Variants in RBFOX1 observed in about 807,000 individuals in gnomAD.
RBFOX1 encodes the protein RNA binding fox-1 homolog 1, also known as RNA binding protein fox-1 homolog 1.
A neutral mutation model predicts 57.7 loss-of-function variants in RBFOX1; 8 were observed. The observed-to-expected ratio is 0.14, with a 90% CI of 0.08 to 0.25. The LOEUF (loss-of-function observed/expected upper bound fraction) is 0.25, where lower values mean the gene tolerates loss of function less well. RBFOX1 is among the 10% of genes least tolerant of loss of function. The pLI, the probability that RBFOX1 is intolerant of heterozygous loss-of-function variation, is 1.00. For synonymous variants in RBFOX1, 326 were observed against 222.4 expected (o/e 1.47, Z -4.15); for missense variants, 611 against 548.5 (o/e 1.11, Z -1.14).
intron 4 of RBFOX1, among the ~76,000 whole-genome samples, chr16:7,427,578 C>T (rs1290064572): frequency 6.6e-6 from 1 of 152,072 alleles, no homozygotes; most frequent in Non-Finnish European, 1.5e-5. Context: ...CTTCCCTTGC[C>T]CAAGCTAATT....
At chr16:6,862,982 C>CT (rs1567611220) in intron 3 of RBFOX1, among the ~76,000 whole-genome samples, 2 of 141,160 alleles carry the variant, frequency 1.4e-5, no homozygotes, top group Admixed American at 7.1e-5. Flanking sequence ...GAGACTCTGT[C>CT]TAAAAAAAAA....
chr16:7,527,610 C>A (rs189893562), intron 5 of RBFOX1, among the ~76,000 whole-genome samples: 1 of 152,106 alleles, frequency 6.6e-6, no homozygotes, highest in Non-Finnish European at 1.5e-5. Flanking sequence ...CATTTTCATT[C>A]CCATTCTGTC....
At chr16:6,837,299 C>T (rs534392187) in intron 3 of RBFOX1, among the ~76,000 whole-genome samples, 1 of 152,306 alleles carries the variant, frequency 6.6e-6, no homozygotes, top group East Asian at 1.9e-4. Flanking sequence ...GGCTCAAGAC[C>T]CAGGCTGCTT....
At chr16:7,170,753 T>G (rs1236729112) in intron 4 of RBFOX1, among the ~76,000 whole-genome samples, 2 of 152,206 alleles carry the variant, frequency 1.3e-5, no homozygotes, top group East Asian at 1.9e-4. Flanking sequence ...TGAATGAATG[T>G]CTTCATGAGC....
chr16:7,181,507 T>TTCCC (rs1241044730), intron 4 of RBFOX1, among the ~76,000 whole-genome samples: 1 of 151,848 alleles, frequency 6.6e-6, no homozygotes, highest in Non-Finnish European at 1.5e-5. Flanking sequence ...TCCTTCCTTC[T>TTCCC]TCCCTCCCTC....
chr16:5,529,324 T>C (rs2044367376), intron 2 of RBFOX1, among the ~76,000 whole-genome samples: 1 of 151,978 alleles, frequency 6.6e-6, no homozygotes, highest in Non-Finnish European at 1.5e-5. Flanking sequence ...TGGATTGTTC[T>C]GGTATAATTA....
rs1179265375 is a variant in RBFOX1 at position 5,729,550 on chromosome 16, A to G, written c.318+130589A>G. Among the ~76,000 whole-genome samples the G allele has an allele frequency of 2.0e-5, 3 of 152,000 alleles. No individual in the cohort carries two copies. The East Asian group carries it at 5.8e-4, about 29-fold the overall frequency. Reference sequence around the variant, plus strand: ...GCATGTGGGAACTAAGACCTGCTATATTTTACAAGAAGCTATGTTAATTAT... The same window carrying G: ...GCATGTGGGAACTAAGACCTGCTATGTTTTACAAGAAGCTATGTTAATTAT... On this transcript the variant is annotated intron_variant, in intron 3 of 19. Transcript: ENST00000641259.
chr16:7,558,093 G>A (rs959310464), intron 5 of RBFOX1, among the ~76,000 whole-genome samples: 13 of 152,088 alleles, frequency 8.5e-5, no homozygotes, highest in South Asian at 4.2e-4. Flanking sequence ...GGTAGCTCAC[G>A]CCTGTAATTC....
At chr16:6,612,863 A>AAT (rs1555612744) in intron 2 of RBFOX1, among the ~76,000 whole-genome samples, 3,355 of 132,196 alleles carry the variant, frequency 0.025, 139 homozygotes, top group East Asian at 0.2. Context: ...AAAAAAAAAA[A>AAT]AATAATAATA....
At chr16:5,914,863 C>T (rs960320243) in intron 4 of RBFOX1, among the ~76,000 whole-genome samples, 1 of 152,002 alleles carries the variant, frequency 6.6e-6, no homozygotes, top group Admixed American at 6.5e-5. Context: ...CCACTGCACT[C>T]CAGCCTAGGC....
At chr16:5,458,995 C>T (rs2068712805) in intron 1 of RBFOX1, among the ~76,000 whole-genome samples, 1 of 152,202 alleles carries the variant, frequency 6.6e-6, no homozygotes, top group South Asian at 2.1e-4. Flanking sequence ...CTCTGTACCA[C>T]TCTTGGCCCA....
At chr16:6,833,847 G>GGT (rs2092893093) in intron 3 of RBFOX1, among the ~76,000 whole-genome samples, 1 of 152,130 alleles carries the variant, frequency 6.6e-6, no homozygotes. Flanking sequence ...GGAAAGGAGT[G>GGT]GTGCAGACTG....
At chr16:5,977,673 A>T (rs1047334967) in intron 4 of RBFOX1, among the ~76,000 whole-genome samples, 3 of 152,050 alleles carry the variant, frequency 2.0e-5, no homozygotes, top group African/African-American at 7.2e-5. Context: ...CTGATTGGAA[A>T]ACAGGCTCAG....
chr16:5,711,893 G>A (rs1040367621), intron 3 of RBFOX1, among the ~76,000 whole-genome samples: 2 of 152,132 alleles, frequency 1.3e-5, no homozygotes, highest in African/African-American at 4.8e-5. Flanking sequence ...GCTTATTTAG[G>A]ACCATTGACC....
At chr16:6,210,927 T>G (rs1292761853) in intron 1 of RBFOX1, among the ~76,000 whole-genome samples, 1 of 152,046 alleles carries the variant, frequency 6.6e-6, no homozygotes, top group Non-Finnish European at 1.5e-5. Flanking sequence ...TCTTTTTTTG[T>G]GTTTTCTTTG....
intron 3 of RBFOX1, among the ~76,000 whole-genome samples, chr16:6,867,768 G>A (rs181678870): frequency 1.3e-4 from 20 of 152,264 alleles, no homozygotes; most frequent in Admixed American, 1.0e-3. Context: ...ATTACCCATG[G>A]CATCATTACC....
intron 2 of RBFOX1, among the ~76,000 whole-genome samples, chr16:6,471,581 A>G (rs1597720694): frequency 2.9e-5 from 1 of 34,430 alleles, no homozygotes; most frequent in Non-Finnish European, 9.2e-5. Flanking sequence ...TATAATTGGA[A>G]AAAAAAAAAA....
At chr16:7,293,948 G>C (rs944829049) in intron 4 of RBFOX1, among the ~76,000 whole-genome samples, 1 of 152,128 alleles carries the variant, frequency 6.6e-6, no homozygotes, top group Non-Finnish European at 1.5e-5. Context: ...AGATGTTAGA[G>C]GTGAAGTCAC....
intron 4 of RBFOX1, among the ~76,000 whole-genome samples, chr16:7,123,107 C>A (rs1166145863): frequency 6.6e-6 from 1 of 152,120 alleles, no homozygotes; most frequent in Non-Finnish European, 1.5e-5. Flanking sequence ...TGGAACTCTT[C>A]TGCTTCCTAA....
Sources: allele counts gnomAD v4.1 joint callset (sites outside exome capture counted in the v4.1 genomes callset), GRCh38; gene constraint gnomAD v4.1.1; transcripts MANE v1.5; gene names NCBI Gene and HGNC (gene_info 2026-07-23, HGNC 2026-07-21).